Variants in LYPLAL1 observed in about 807,000 individuals in gnomAD.
The protein encoded by LYPLAL1 is lysophospholipase like 1.
Under a neutral mutation model 19.7 loss-of-function variants are expected in LYPLAL1, and 23 were observed. The observed-to-expected ratio is 1.17, with a 90% confidence interval of 0.84 to 1.65. The LOEUF (loss-of-function observed/expected upper bound fraction) is 1.65, where lower values mean the gene tolerates loss of function less well. Ranked by LOEUF, LYPLAL1 falls within the 40% of genes most tolerant of loss-of-function variation. LYPLAL1 has a pLI of 0.00. For missense variants in LYPLAL1, 355 were observed against 279.4 expected (o/e 1.27, Z -1.93); for synonymous variants, 119 against 96.3 (o/e 1.24, Z -1.38).
At chr1:219,182,486 T>C (rs1483280472) in intron 2 of LYPLAL1, among the ~76,000 whole-genome samples, 1 of 152,150 alleles carries the variant, frequency 6.6e-6, no homozygotes, top group Non-Finnish European at 1.5e-5. Context: ...TCTGGTGTCA[T>C]CTACCTTGCT....
chr1:219,262,297 C>A, the LYPLAL1 span, among the ~76,000 whole-genome samples: 12 of 152,158 alleles, frequency 7.9e-5, no homozygotes, highest in Non-Finnish European at 1.3e-4. Flanking sequence ...TCATCTTTCT[C>A]TGCTATCTCT....
the LYPLAL1 span, chr1:219,271,118 AT>A: frequency 6.6e-6 from 1 of 152,372 alleles, no homozygotes; most frequent in Non-Finnish European, 1.5e-5. Flanking sequence ...CTAATTTTGT[AT>A]TTTTGGTAGA....
chr1:219,228,833 C>G, the LYPLAL1 span, among the ~76,000 whole-genome samples: 1 of 151,866 alleles, frequency 6.6e-6, no homozygotes, highest in Non-Finnish European at 1.5e-5. Flanking sequence ...GCATGCACCA[C>G]CACACCTGGC....
the LYPLAL1 span, among the ~76,000 whole-genome samples, chr1:219,384,955 T>C: frequency 6.6e-6 from 1 of 152,172 alleles, no homozygotes; most frequent in Non-Finnish European, 1.5e-5. Flanking sequence ...ATACTTTTGG[T>C]TGTACAACAG....
At chr1:219,322,696 G>A in the LYPLAL1 span, among the ~76,000 whole-genome samples, 2 of 152,134 alleles carry the variant, frequency 1.3e-5, no homozygotes, top group African/African-American at 2.4e-5. Context: ...AAAGAAATCA[G>A]AAGGGTTAAG....
At chr1:219,391,297 G>T in the LYPLAL1 span, among the ~76,000 whole-genome samples, 26 of 152,102 alleles carry the variant, frequency 1.7e-4, no homozygotes, top group African/African-American at 6.0e-4. Context: ...GGCTCAGCTT[G>T]CCACCTGTCA....
At chr1:219,342,719 A>T in the LYPLAL1 span, among the ~76,000 whole-genome samples, 1 of 152,174 alleles carries the variant, frequency 6.6e-6, no homozygotes, top group South Asian at 2.1e-4. Flanking sequence ...AAAAAATGAA[A>T]AATTCAGTCA....
chr1:219,228,851 G>T, the LYPLAL1 span, among the ~76,000 whole-genome samples: 1 of 151,784 alleles, frequency 6.6e-6, no homozygotes, highest in Non-Finnish European at 1.5e-5. Flanking sequence ...GGCTAATTTT[G>T]TATTTTTATT....
chr1:219,362,823 A>T, the LYPLAL1 span, among the ~76,000 whole-genome samples: 29 of 152,190 alleles, frequency 1.9e-4, no homozygotes, highest in South Asian at 1.7e-3. Flanking sequence ...TTTTAGGGAG[A>T]TCAACCAGTC....
chr1:219,203,026 A>G (rs1658246268), intron 3 of LYPLAL1, among the ~76,000 whole-genome samples: 1 of 152,150 alleles, frequency 6.6e-6, no homozygotes. Context: ...AATGGGAAAA[A>G]CTAGCAAAAT....
the LYPLAL1 span, among the ~76,000 whole-genome samples, chr1:219,333,612 A>G: frequency 2.6e-5 from 4 of 152,068 alleles, no homozygotes; most frequent in African/African-American, 9.7e-5. Flanking sequence ...ACATAAAGAG[A>G]TAATTGAAGT....
the LYPLAL1 span, among the ~76,000 whole-genome samples, chr1:219,436,835 G>C: frequency 2.0e-5 from 3 of 152,228 alleles, no homozygotes; most frequent in Admixed American, 6.5e-5. Flanking sequence ...AAAAATGAAA[G>C]AACTTCTAGG....
chr1:219,372,649 C>T, the LYPLAL1 span, among the ~76,000 whole-genome samples: 10,330 of 152,186 alleles, frequency 0.068, 498 homozygotes, highest in South Asian at 0.14. Context: ...CCTGTAATCC[C>T]GGCAATTTGG....
intron 1 of LYPLAL1, among the ~76,000 whole-genome samples, chr1:219,176,964 C>T (rs968698578): frequency 6.6e-6 from 1 of 152,078 alleles, no homozygotes; most frequent in Non-Finnish European, 1.5e-5. Flanking sequence ...TAAATAAATA[C>T]TATAGTAGAA....
intron 4 of LYPLAL1, 112 bp from the exon 5 acceptor site, chr1:219,211,376 TCCCA>T: frequency 1.1e-5 from 8 of 731,406 alleles, no homozygotes; most frequent in African/African-American, 5.3e-5. Flanking sequence ...GCCTTTTTTT[TCCCA>T]TTAGTTATTG....
the LYPLAL1 span, among the ~76,000 whole-genome samples, chr1:219,394,433 A>G: frequency 6.6e-6 from 1 of 152,250 alleles, no homozygotes; most frequent in East Asian, 1.9e-4. Flanking sequence ...TCCACTCACA[A>G]AATTCTTTCA....
the LYPLAL1 span, among the ~76,000 whole-genome samples, chr1:219,340,079 GA>G: frequency 2.0e-5 from 3 of 151,780 alleles, no homozygotes; most frequent in African/African-American, 4.8e-5. Flanking sequence ...ATGTGCTGAT[GA>G]AAAAAATGTA....
At chr1:219,185,919 T>A (rs1656683841) in intron 2 of LYPLAL1, among the ~76,000 whole-genome samples, 1 of 151,902 alleles carries the variant, frequency 6.6e-6, no homozygotes, top group Non-Finnish European at 1.5e-5. Context: ...GTTAAAAGAC[T>A]GCTTAGAATC....
chr1:219,179,143 T>C lies in LYPLAL1; in HGVS notation c.92-4T>C. 1 of 1,592,694 alleles carries C rather than the reference T, an allele frequency of 6.3e-7. No individual in the cohort carries two copies. The highest frequency in any genetic ancestry group is 8.6e-7 in the Non-Finnish European group (1 of 1,169,178). ...ATTTTAATCTAGATTTTTTGATTCA[T>C]CAGGTGATTCTGGACAAGGATTAAG... On this transcript the variant is annotated splice_region_variant and splice_polypyrimidine_tract_variant and intron_variant, in intron 1 of 4. Transcript: ENST00000366928.
Sources: allele counts gnomAD v4.1 joint callset (sites outside exome capture counted in the v4.1 genomes callset), GRCh38; gene constraint gnomAD v4.1.1; transcripts MANE v1.5; gene names NCBI Gene and HGNC (gene_info 2026-07-23, HGNC 2026-07-21).